The following MAP2K4 variants were observed in gnomAD, a reference collection of about 807,000 sequenced individuals.
MAP2K4 encodes the protein dual specificity mitogen-activated protein kinase kinase 4.
A neutral mutation model predicts 48.5 loss-of-function variants in MAP2K4; 4 were observed. That is an observed-to-expected ratio of 0.08 (90% CI 0.04 to 0.19). The LOEUF is 0.19. Ranked by LOEUF, MAP2K4 falls within the 10% of genes least tolerant of loss-of-function variation. The probability of loss-of-function intolerance (pLI) is 1.00; values close to 1 mark genes in which losing one functional copy is unlikely to be tolerated. For missense variants in MAP2K4, 258 were observed against 493.3 expected (o/e 0.52, Z 4.52); for synonymous variants, 166 against 173.1 (o/e 0.96, Z 0.32).
At chr17:12,021,755 A>AC (rs55711422) in intron 1 of MAP2K4, among the ~76,000 whole-genome samples, 11 of 150,992 alleles carry the variant, frequency 7.3e-5, no homozygotes, top group Non-Finnish European at 1.0e-4. Flanking sequence ...AAAAAAAAAA[A>AC]GAAGACTTAA....
chr17:12,110,511 C>A, intron 6 of MAP2K4, 85 bp downstream of exon 6: 1 of 914,878 alleles, frequency 1.1e-6, no homozygotes, highest in Non-Finnish European at 1.7e-6. Context: ...TACAGTGTCA[C>A]TGTATAAACT....
intron 3 of MAP2K4, 91 bp from the exon 4 acceptor site, chr17:12,095,484 A>C: frequency 7.1e-7 from 1 of 1,413,722 alleles, no homozygotes; most frequent in South Asian, 1.2e-5. Context: ...TTAGTCTCGT[A>C]ACGGTTTTTC....
At chr17:12,023,406 G>A (rs957043971) in intron 1 of MAP2K4, among the ~76,000 whole-genome samples, 2 of 152,132 alleles carry the variant, frequency 1.3e-5, no homozygotes, top group African/African-American at 4.8e-5. Flanking sequence ...CATCTGCCAA[G>A]GGTCTTCTTT....
intron 3 of MAP2K4, among the ~76,000 whole-genome samples, chr17:12,093,141 G>A (rs1971617431): frequency 6.6e-6 from 1 of 152,224 alleles, no homozygotes. Context: ...ATGTGGGGAG[G>A]TGTTGATCTC....
intron 1 of MAP2K4, among the ~76,000 whole-genome samples, chr17:12,037,570 C>G (rs992564696): frequency 6.6e-6 from 1 of 151,992 alleles, no homozygotes; most frequent in African/African-American, 2.4e-5. Flanking sequence ...AGTTTGTCAG[C>G]AATCCTAAGA....
At chr17:12,129,075 C>A (rs2151590720) in intron 8 of MAP2K4, 64 bp from the exon 9 acceptor site, 3 of 1,534,862 alleles carry the variant, frequency 2.0e-6, no homozygotes. Context: ...TTTTGTGGCC[C>A]TTCCAGTGGG....
chr17:12,071,321 A>G (rs935790217), intron 2 of MAP2K4, among the ~76,000 whole-genome samples: 5 of 152,156 alleles, frequency 3.3e-5, no homozygotes, highest in African/African-American at 1.2e-4. Flanking sequence ...CACATTGTAT[A>G]TTAAGGATAG....
intron 2 of MAP2K4, among the ~76,000 whole-genome samples, chr17:12,065,231 T>C (rs1358022329): frequency 6.7e-6 from 1 of 149,242 alleles, no homozygotes; most frequent in African/African-American, 2.5e-5. Context: ...AAAGCAATCC[T>C]GAACAATAAC....
At chr17:12,041,721 T>C (rs557387987) in intron 1 of MAP2K4, among the ~76,000 whole-genome samples, 65 of 152,352 alleles carry the variant, frequency 4.3e-4, no homozygotes, top group African/African-American at 1.5e-3. Flanking sequence ...TTGTGTCTCT[T>C]AGTGAAACTG....
chr17:12,094,725 GGGA>G (rs147162218), intron 3 of MAP2K4, among the ~76,000 whole-genome samples: 25,548 of 152,026 alleles, frequency 0.17, 2,517 homozygotes, highest in South Asian at 0.3. Flanking sequence ...AATAAGAGGT[GGGA>G]GGAGGTGGGG....
chr17:12,084,950 C>G (rs1243849240), intron 3 of MAP2K4, among the ~76,000 whole-genome samples: 1 of 152,080 alleles, frequency 6.6e-6, no homozygotes, highest in South Asian at 2.1e-4. Flanking sequence ...AATGTCACAG[C>G]TTAGACCATG....
chr17:12,057,145 A>G (rs1450992177), intron 2 of MAP2K4, among the ~76,000 whole-genome samples: 2 of 152,162 alleles, frequency 1.3e-5, no homozygotes, highest in African/African-American at 2.4e-5. Context: ...AACAGTTTAA[A>G]TAAAATTCCA....
At chr17:12,036,991 C>T (rs768216282) in intron 1 of MAP2K4, among the ~76,000 whole-genome samples, 2 of 151,824 alleles carry the variant, frequency 1.3e-5, no homozygotes, top group Admixed American at 6.6e-5. Context: ...GTTTCTGTAG[C>T]TTTGTCTTTT....
chr17:12,119,932 G>C (rs917063920), intron 7 of MAP2K4, among the ~76,000 whole-genome samples: 1 of 152,134 alleles, frequency 6.6e-6, no homozygotes, highest in Non-Finnish European at 1.5e-5. Context: ...AATACCACAT[G>C]TTCTCTTAAG....
intron 2 of MAP2K4, among the ~76,000 whole-genome samples, chr17:12,064,043 A>C (rs1970538032): frequency 6.7e-6 from 1 of 149,662 alleles, no homozygotes; most frequent in African/African-American, 2.5e-5. Flanking sequence ...AGAGAGAGAG[A>C]AAGAGACTAG....
At chr17:12,113,425 G>A (rs1972373306) in intron 7 of MAP2K4, 65 bp downstream of exon 7, 4 of 1,569,564 alleles carry the variant, frequency 2.5e-6, no homozygotes, top group Non-Finnish European at 3.5e-6. Context: ...GCTCTTTTGT[G>A]CTGGCCATTA....
intron 2 of MAP2K4, among the ~76,000 whole-genome samples, chr17:12,071,159 A>T (rs1970793393): frequency 6.6e-6 from 1 of 152,204 alleles, no homozygotes; most frequent in Non-Finnish European, 1.5e-5. Flanking sequence ...CACCTAATCC[A>T]GAATCTCTTT....
At chr17:12,055,090 TCTGA>T (rs2151526386) in intron 2 of MAP2K4, 99 bp downstream of exon 2, 1 of 684,634 alleles carries the variant, frequency 1.5e-6, no homozygotes, top group East Asian at 2.8e-5. Flanking sequence ...GTATAATTTC[TCTGA>T]CTAAACTCTC....
chr17:12,081,600 C>A lies in MAP2K4; in HGVS notation c.393+70C>A. 2 of 1,457,516 alleles carry A rather than the reference C, an allele frequency of 1.4e-6. No individual in the cohort carries two copies. The highest frequency in any genetic ancestry group is 1.4e-5 in the African/African-American group (1 of 71,174). The allele number at this position is 1,457,516 out of a possible 1,614,324, so 90.3% of individuals were successfully genotyped here. On this transcript the variant is annotated intron_variant, in intron 3 of 10. Coordinates refer to ENST00000353533, the MANE Select transcript of MAP2K4 (RefSeq NM_003010.4). The surrounding 1 kb of genome is among the most constrained non-coding windows in gnomAD (Gnocchi z 4.2). The stretch of plus-strand genomic sequence containing the variant: ...GAAATTTCATGGTGCAGTAATACCA[C>A]TGTTGTTGTGTTCCTACTTTTGTGG...
Sources: gnomAD v4.1 joint callset for allele counts (sites outside exome capture counted in the v4.1 genomes callset) on GRCh38, gnomAD v4.1.1 for gene constraint, Gnocchi (gnomAD v3.1) non-coding constraint, MANE v1.5 for transcripts, NCBI Gene and HGNC (gene_info 2026-07-23, HGNC 2026-07-21) for gene names.